The following MTUS2 variants were observed in gnomAD, a reference collection of about 807,000 sequenced individuals.
MTUS2 encodes microtubule-associated tumor suppressor candidate 2.
MTUS2 carries 40 observed loss-of-function variants against 114.1 expected under a neutral mutation model. The ratio of observed to expected loss-of-function variants is 0.35; its 90% CI spans 0.27 to 0.46. MTUS2 has a LOEUF of 0.46. Among genes scored for constraint, MTUS2 ranks in the 20% least tolerant of loss-of-function variants. The pLI, the probability that MTUS2 is intolerant of heterozygous loss-of-function variation, is 1.00. For missense variants in MTUS2, 1,679 were observed against 1,705.4 expected (o/e 0.98, Z 0.27); for synonymous variants, 688 against 672.0 (o/e 1.02, Z -0.37).
chr13:29,181,788 CTGTG>C (rs34853883), intron 5 of MTUS2, among the ~76,000 whole-genome samples: 90,313 of 146,604 alleles, frequency 0.62, 27,963 homozygotes, highest in Non-Finnish European at 0.67. Context: ...TTATATACTA[CTGTG>C]TGTGTGTGTG....
At chr13:29,448,977 C>A (rs1292318478) in intron 9 of MTUS2, among the ~76,000 whole-genome samples, 1 of 151,988 alleles carries the variant, frequency 6.6e-6, no homozygotes, top group African/African-American at 2.4e-5. Context: ...TGGTCTTGAA[C>A]TCCTGACCTC....
intron 2 of MTUS2, among the ~76,000 whole-genome samples, chr13:28,846,286 A>G (rs1316969031): frequency 6.6e-6 from 1 of 152,146 alleles, no homozygotes; most frequent in Admixed American, 6.5e-5. Flanking sequence ...CTCCCAATCC[A>G]GGGCAGCTCT....
At chr13:29,136,716 A>G (rs1891993143) in intron 5 of MTUS2, among the ~76,000 whole-genome samples, 1 of 152,116 alleles carries the variant, frequency 6.6e-6, no homozygotes, top group African/African-American at 2.4e-5. Context: ...CACCCTATAC[A>G]TCTCTTCCAT....
At chr13:29,497,687 G>A in intron 13 of MTUS2, 1 of 267,400 alleles carries the variant, frequency 3.7e-6, no homozygotes, top group Non-Finnish European at 7.3e-6. Flanking sequence ...GCTGACATGG[G>A]GCAGCCTTGG....
At chr13:28,856,813 C>T (rs1200106841) in intron 2 of MTUS2, among the ~76,000 whole-genome samples, 1 of 152,176 alleles carries the variant, frequency 6.6e-6, no homozygotes, top group Non-Finnish European at 1.5e-5. Flanking sequence ...AGTCCTATTT[C>T]GCATCTTTGT....
intron 4 of MTUS2, among the ~76,000 whole-genome samples, chr13:29,092,212 T>C (rs1467579): frequency 0.67 from 102,269 of 152,176 alleles, 35,080 homozygotes; most frequent in Non-Finnish European, 0.74. Context: ...CCTCTCTTTC[T>C]GTTTGGTGTG....
chr13:29,420,466 G>A (rs1049623673), intron 8 of MTUS2, among the ~76,000 whole-genome samples: 2 of 151,900 alleles, frequency 1.3e-5, no homozygotes, highest in Non-Finnish European at 2.9e-5. Flanking sequence ...TTAGTAGAGA[G>A]AGGGTTTCAC....
intron 5 of MTUS2, among the ~76,000 whole-genome samples, chr13:29,103,140 G>T (rs776034206): frequency 6.6e-6 from 1 of 152,120 alleles, no homozygotes; most frequent in Non-Finnish European, 1.5e-5. Context: ...TGTAATTAGG[G>T]ATTATGTCAT....
intron 2 of MTUS2, among the ~76,000 whole-genome samples, chr13:28,947,620 G>A (rs1014063252): frequency 3.9e-5 from 6 of 152,058 alleles, no homozygotes; most frequent in Admixed American, 6.6e-5. Flanking sequence ...AAGCAGCTTC[G>A]TAATTATAGG....
At chr13:28,841,184 A>G (rs1187488503) in intron 2 of MTUS2, among the ~76,000 whole-genome samples, 5 of 152,380 alleles carry the variant, frequency 3.3e-5, no homozygotes, top group Admixed American at 3.3e-4. Flanking sequence ...TGATGAAACA[A>G]AAAGCTATGA....
intron 5 of MTUS2, among the ~76,000 whole-genome samples, chr13:29,207,879 AT>A (rs1421676875): frequency 6.6e-6 from 1 of 151,570 alleles, no homozygotes; most frequent in African/African-American, 2.4e-5. Flanking sequence ...TTGGTCTGTA[AT>A]TTTCTTTTTT....
chr13:29,040,285 G>A (rs1887288758), intron 4 of MTUS2, among the ~76,000 whole-genome samples: 3 of 152,274 alleles, frequency 2.0e-5, no homozygotes, highest in East Asian at 3.9e-4. Context: ...AGGTTGCTGC[G>A]AATGCCATTA....
intron 4 of MTUS2, among the ~76,000 whole-genome samples, chr13:29,042,480 T>C (rs1470863646): frequency 6.6e-6 from 1 of 152,052 alleles, no homozygotes; most frequent in East Asian, 1.9e-4. Context: ...ACTGGCTTCA[T>C]AGAATGATTT....
chr13:29,349,139 T>A (rs1454707384), intron 7 of MTUS2, among the ~76,000 whole-genome samples: 1 of 152,158 alleles, frequency 6.6e-6, no homozygotes, highest in East Asian at 1.9e-4. Context: ...ATTGGATAGT[T>A]TTTTATGATT....
At chr13:29,428,673 G>C (rs1324921868) in intron 8 of MTUS2, 7 of 1,168,786 alleles carry the variant, frequency 6.0e-6, no homozygotes, top group Non-Finnish European at 6.4e-6. Context: ...TCATTCCTCT[G>C]CCTCCTGGAT....
chr13:29,362,477 G>A (rs1023936709), intron 8 of MTUS2, among the ~76,000 whole-genome samples: 8 of 151,204 alleles, frequency 5.3e-5, no homozygotes, highest in Non-Finnish European at 8.8e-5. Context: ...GGCCAGGCTC[G>A]AGCAGCCTGG....
chr13:29,490,511 T>G (rs1881985212), intron 11 of MTUS2, among the ~76,000 whole-genome samples: 1 of 152,266 alleles, frequency 6.6e-6, no homozygotes, highest in African/African-American at 2.4e-5. Flanking sequence ...AGAATCCATT[T>G]GCTTAATAAC....
intron 2 of MTUS2, among the ~76,000 whole-genome samples, chr13:28,959,386 A>C (rs934425023): frequency 2.0e-5 from 3 of 152,106 alleles, no homozygotes; most frequent in African/African-American, 7.2e-5. Context: ...CCCCACTAGC[A>C]ATGAGGTCGC....
chr13:29,429,368 C>G (rs1876821596), intron 8 of MTUS2, among the ~76,000 whole-genome samples: 1 of 152,204 alleles, frequency 6.6e-6, no homozygotes, highest in Non-Finnish European at 1.5e-5. Flanking sequence ...TTCTTCACAT[C>G]AGAGAAGAAA....
Sources: allele counts gnomAD v4.1 joint callset (sites outside exome capture counted in the v4.1 genomes callset), GRCh38; gene constraint gnomAD v4.1.1; transcripts MANE v1.5; gene names NCBI Gene and HGNC (gene_info 2026-07-23, HGNC 2026-07-21).